The following ATP2B2 variants were observed in gnomAD, a reference collection of about 807,000 sequenced individuals.
ATP2B2 encodes the protein plasma membrane calcium-transporting ATPase 2.
A neutral mutation model predicts 120.0 loss-of-function variants in ATP2B2; 15 were observed. That is an observed-to-expected ratio of 0.12 (90% CI 0.08 to 0.19). The LOEUF is 0.19. Among genes scored for constraint, ATP2B2 ranks in the 10% least tolerant of loss-of-function variants. ATP2B2 has a pLI of 1.00. For missense variants in ATP2B2, 1,045 were observed against 1,719.8 expected, an observed-to-expected ratio of 0.61 and a Z score of 6.94; for synonymous variants, 694 against 700.3, an observed-to-expected ratio of 0.99 and a Z score of 0.14.
intron 2 of ATP2B2, among the ~76,000 whole-genome samples, chr3:10,413,425 C>T (rs1036239328): frequency 2.0e-5 from 3 of 152,240 alleles, no homozygotes; most frequent in Admixed American, 6.5e-5. Flanking sequence ...CTTGGGATCC[C>T]ATGTCCTGCA....
rs28378997 is a variant in ATP2B2, at chr3:10,337,154, G to C, written c.3420+1022C>G. 3.5e-3 allele frequency among the ~76,000 whole-genome samples: 526 copies of C among 152,346 alleles called. 4 individuals carry two copies. Among genetic ancestry groups the C allele is most frequent in the African/African-American group, 0.012 (492 of 41,588 alleles). On this transcript the variant is annotated intron_variant, in intron 22 of 22. Transcript: ENST00000360273. ...CTGGACCTTGGTAACCTCTAAAACT[G>C]GGGGAGTCACATCTACCTCCCAGGG...
intron 1 of ATP2B2, among the ~76,000 whole-genome samples, chr3:10,622,872 C>T (rs2069589318): frequency 1.3e-5 from 2 of 152,184 alleles, no homozygotes; most frequent in African/African-American, 4.8e-5. Flanking sequence ...ATTGCCTGGG[C>T]TTGAATCTCG....
intron 1 of ATP2B2, among the ~76,000 whole-genome samples, chr3:10,647,149 C>T (rs1400376257): frequency 6.6e-6 from 1 of 152,050 alleles, no homozygotes; most frequent in Non-Finnish European, 1.5e-5. Flanking sequence ...TTGTGGAGAA[C>T]AAGGAATCTG....
intron 2 of ATP2B2, among the ~76,000 whole-genome samples, chr3:10,599,029 T>C (rs991728888): frequency 1.3e-5 from 2 of 152,226 alleles, no homozygotes; most frequent in African/African-American, 4.8e-5. Context: ...GCAGTAACAA[T>C]TGGCTTCAGA....
At chr3:10,485,460 G>A (rs1344772460) in intron 1 of ATP2B2, among the ~76,000 whole-genome samples, 1 of 152,178 alleles carries the variant, frequency 6.6e-6, no homozygotes, top group Non-Finnish European at 1.5e-5. Flanking sequence ...GCAAGCCAGG[G>A]CACACCCAGG....
At chr3:10,357,410 T>G (rs368004384) in intron 14 of ATP2B2, among the ~76,000 whole-genome samples, 17 of 152,218 alleles carry the variant, frequency 1.1e-4, no homozygotes, top group Admixed American at 3.9e-4. Flanking sequence ...CTCTCCCTGC[T>G]GCCTAAAATG....
intron 1 of ATP2B2, among the ~76,000 whole-genome samples, chr3:10,654,342 A>G (rs1331063755): frequency 1.3e-5 from 2 of 152,122 alleles, no homozygotes; most frequent in Admixed American, 1.3e-4. Context: ...CCCAGGGCCT[A>G]CTTAGAACCG....
chr3:10,705,445 A>G (rs2071881738), intron 1 of ATP2B2, among the ~76,000 whole-genome samples: 1 of 152,232 alleles, frequency 6.6e-6, no homozygotes, highest in Admixed American at 6.5e-5. Flanking sequence ...TCCAGGTTAC[A>G]GGTTTCCTGC....
Position 10,359,826 on chromosome 3 carries a change from C to T in ATP2B2, c.1901+56G>A, listed in dbSNP as rs2060845117. ...CCAGTGCTATATGACCCTGACATCC[C>T]CAGCTCCCTGCACCAGGGCACAGCC... On this transcript the variant is annotated intron_variant, in intron 13 of 22. Coordinates refer to ENST00000360273, the MANE Select transcript of ATP2B2 (RefSeq NM_001001331.4). 4.3e-6 allele frequency: 7 copies of T among 1,612,196 alleles called. No individual in the cohort carries two copies. In the South Asian group the frequency reaches 7.7e-5, roughly 18 times the overall value.
Position 10,599,658 on chromosome 3 carries a change from T to C in ATP2B2, c.-415+20259A>G, listed in dbSNP as rs556046059. ...ACAGTGGACTTTGACACCATGAAAT[T>C]AGGTCACATTTTTAGGTGGAGTCTT... On this transcript the variant is annotated intron_variant, in intron 2 of 21. Transcript: ENST00000646379. Among the ~76,000 whole-genome samples, 5 of 152,116 alleles carry C rather than the reference T, an allele frequency of 3.3e-5. No individual in the cohort carries two copies. In the East Asian group the frequency reaches 7.8e-4, roughly 24 times the overall value.
At chr3:10,472,935 T>G (rs759099578) in intron 1 of ATP2B2, among the ~76,000 whole-genome samples, 8 of 152,190 alleles carry the variant, frequency 5.3e-5, no homozygotes, top group South Asian at 2.1e-4. Flanking sequence ...CAGGTCCCAT[T>G]TTACAAAGGA....
intron 13 of ATP2B2, among the ~76,000 whole-genome samples, chr3:10,359,158 A>C (rs2060824657): frequency 2.0e-5 from 3 of 152,294 alleles, no homozygotes; most frequent in Admixed American, 2.0e-4. Flanking sequence ...GATTCATCTG[A>C]AATAACACTC....
intron 1 of ATP2B2, among the ~76,000 whole-genome samples, chr3:10,464,264 G>A (rs747449040): frequency 1.5e-4 from 23 of 152,128 alleles, no homozygotes; most frequent in Non-Finnish European, 2.8e-4. Flanking sequence ...GGGGGTGCGG[G>A]TGGGGGTGGG....
chr3:10,404,752 A>G (rs1384019572), intron 3 of ATP2B2, among the ~76,000 whole-genome samples: 1 of 152,208 alleles, frequency 6.6e-6, no homozygotes, highest in Non-Finnish European at 1.5e-5. Context: ...ACACCAATAG[A>G]GACTCCAAAG....
At chr3:10,335,266 C>T (rs144838116) in intron 22 of ATP2B2, among the ~76,000 whole-genome samples, 1 of 152,212 alleles carries the variant, frequency 6.6e-6, no homozygotes, top group African/African-American at 2.4e-5. Context: ...CATTTTCTAC[C>T]AGGGGTCAAG....
chr3:10,691,613 A>G (rs925268605), intron 1 of ATP2B2, among the ~76,000 whole-genome samples: 1 of 152,202 alleles, frequency 6.6e-6, no homozygotes, highest in African/African-American at 2.4e-5. Context: ...ACAAAGCCAG[A>G]AACCAGGAGG....
At chr3:10,370,362 C>T (rs1480549940) in intron 12 of ATP2B2, among the ~76,000 whole-genome samples, 3 of 152,232 alleles carry the variant, frequency 2.0e-5, no homozygotes, top group Non-Finnish European at 4.4e-5. Context: ...TATCAGCATC[C>T]CAGTTATTTT....
chr3:10,654,189 T>C (rs909095024), intron 1 of ATP2B2, among the ~76,000 whole-genome samples: 10 of 152,100 alleles, frequency 6.6e-5, no homozygotes, highest in Non-Finnish European at 8.8e-5. Context: ...GTAACAGATA[T>C]TGAGGGTGGA....
At chr3:10,645,208 A>T (rs1294910874) in intron 1 of ATP2B2, among the ~76,000 whole-genome samples, 1 of 152,172 alleles carries the variant, frequency 6.6e-6, no homozygotes, top group African/African-American at 2.4e-5. Context: ...TCTCTGTAGT[A>T]TTCTGTGAGT....
Sources: gnomAD v4.1 joint callset for allele counts (sites outside exome capture counted in the v4.1 genomes callset) on GRCh38, gnomAD v4.1.1 for gene constraint, MANE v1.5 for transcripts, NCBI Gene and HGNC (gene_info 2026-07-23, HGNC 2026-07-21) for gene names.